The following SMPD4 variants were observed in gnomAD, a reference collection of about 807,000 sequenced individuals.
SMPD4 encodes neutral sphingomyelinase 3.
SMPD4 carries 58 observed loss-of-function variants against 97.8 expected under a neutral mutation model. The observed-to-expected ratio is 0.59, with a 90% CI of 0.48 to 0.74. SMPD4 has a LOEUF of 0.74. Ranked by LOEUF, SMPD4 falls within the 30% of genes least tolerant of loss-of-function variation. The pLI, the probability that SMPD4 is intolerant of heterozygous loss-of-function variation, is 0.00. For missense variants in SMPD4, 853 were observed against 1,080.5 expected (o/e 0.79, Z 2.95); for synonymous variants, 388 against 450.0 (o/e 0.86, Z 1.74).
At chr2:130,180,826 C>T (rs187921657) in intron 1 of SMPD4, among the ~76,000 whole-genome samples, 103 of 152,218 alleles carry the variant, frequency 6.8e-4, no homozygotes, top group African/African-American at 2.4e-3. Context: ...AATTCAAACC[C>T]GAGAATTCCC....
chr2:130,178,034 G>A (rs1689138866), intron 1 of SMPD4, among the ~76,000 whole-genome samples: 1 of 152,138 alleles, frequency 6.6e-6, no homozygotes, highest in African/African-American at 2.4e-5. Context: ...AGGAAACAAA[G>A]ACCTTAGTTC....
intron 15 of SMPD4, chr2:130,154,865 G>A: frequency 1.5e-6 from 1 of 648,500 alleles, no homozygotes; most frequent in Non-Finnish European, 2.6e-6. Context: ...CCCGCTCTGT[G>A]GGCACACCTG....
At chr2:130,153,587 T>C (rs1308281593) in intron 17 of SMPD4, 115 bp downstream of exon 17, 2 of 1,555,238 alleles carry the variant, frequency 1.3e-6, no homozygotes, top group African/African-American at 1.4e-5. Context: ...CCCACAACAC[T>C]GGGTCCATAT....
chr2:130,163,678 C>G (rs2104850311), intron 10 of SMPD4, among the ~76,000 whole-genome samples: 3 of 152,384 alleles, frequency 2.0e-5, no homozygotes, highest in African/African-American at 7.2e-5. Flanking sequence ...AGATGACTGA[C>G]TGGAGATCTA....
At chr2:130,165,229 T>C (rs1220581402) in intron 9 of SMPD4, among the ~76,000 whole-genome samples, 1 of 150,876 alleles carries the variant, frequency 6.6e-6, no homozygotes, top group African/African-American at 2.4e-5. Flanking sequence ...GAGACCAGCC[T>C]GACCCAACAT....
At chr2:130,161,507 A>G (rs1244948374) in intron 10 of SMPD4, among the ~76,000 whole-genome samples, 2 of 152,158 alleles carry the variant, frequency 1.3e-5, no homozygotes, top group South Asian at 2.1e-4. Flanking sequence ...CCCCTCCACA[A>G]CCAGGCCAGG....
At chr2:130,171,098 A>G (rs1688412883) in intron 8 of SMPD4, among the ~76,000 whole-genome samples, 1 of 150,908 alleles carries the variant, frequency 6.6e-6, no homozygotes, top group African/African-American at 2.5e-5. Flanking sequence ...AATAAAATAA[A>G]TAAATAAACC....
At position 130,152,713 on chromosome 2, in the gene SMPD4, T is replaced by TGCCCAGGAA; in HGVS notation, c.2317_2325dup (p.Phe773_Gly775dup). 6.3e-7 allele frequency: 1 copy of TGCCCAGGAA among 1,581,944 alleles called. No individual in the cohort carries two copies. ...AGCAGCGAGACCAGCGTCCGGTAAC[T>TGCCCAGGAA]GCCCAGGAAGCGCAGGCTGAGCCTG... On this transcript the variant is annotated inframe_insertion, in exon 20 of 20. Transcript: ENST00000680298.
intron 11 of SMPD4, 62 bp from the exon 12 acceptor site, chr2:130,157,458 C>G: frequency 2.5e-6 from 4 of 1,599,370 alleles, no homozygotes; most frequent in Non-Finnish European, 8.5e-7. Flanking sequence ...CACTCCGCCT[C>G]CAGGTCTGAC....
In SMPD4 at chr2:130,153,181, C is replaced by T. The variant is rs1686401196; in HGVS notation, c.2026-10G>A. On this transcript the variant is annotated splice_polypyrimidine_tract_variant and intron_variant, in intron 18 of 19. Coordinates refer to ENST00000680298, the MANE Select transcript of SMPD4 (RefSeq NM_017951.5). The stretch of plus-strand genomic sequence containing the variant: ...GCAGCCCATTGATGATCTAGAAAGC[C>T]AGGCCATGGGGATGGGTCAGAAAAC... The T allele has an allele frequency of 6.2e-7, 1 of 1,613,726 alleles. No homozygotes were observed. Among genetic ancestry groups the T allele is most frequent in the Non-Finnish European group, 8.5e-7 (1 of 1,179,974 alleles).
At chr2:130,180,958 C>G (rs1462776565) in intron 1 of SMPD4, among the ~76,000 whole-genome samples, 1 of 152,232 alleles carries the variant, frequency 6.6e-6, no homozygotes, top group Non-Finnish European at 1.5e-5. Context: ...CCTATTTTCT[C>G]CAGGAGCTGC....
At position 130,152,337 on chromosome 2, in the gene SMPD4, T is replaced by C. The variant is rs1686313985; in HGVS notation, c.*218A>G. The C allele has an allele frequency of 1.7e-6, 1 of 592,368 alleles. No homozygotes were observed. Among genetic ancestry groups the C allele is most frequent in the Non-Finnish European group, 3.0e-6 (1 of 336,130 alleles). The allele number at this position is 592,368 out of a possible 1,614,324, so 36.7% of individuals were successfully genotyped here. A position where few individuals can be genotyped will look rare whatever the true frequency, so the allele number is the denominator to read the frequency against. ...CTGAGCTCTGCGCTGTCACAGAGCG[T>C]AGCTGTTGAGCCCTGGCAGCTACTC... On this transcript the variant is annotated 3_prime_UTR_variant, in exon 20 of 20. Coordinates refer to ENST00000680298, the MANE Select transcript of SMPD4 (RefSeq NM_017951.5).
chr2:130,180,559 C>T (rs1030869993), intron 1 of SMPD4, among the ~76,000 whole-genome samples: 2 of 152,262 alleles, frequency 1.3e-5, no homozygotes, highest in Non-Finnish European at 2.9e-5. Context: ...GCGTGAGTCA[C>T]CGCTCCCGGC....
intron 8 of SMPD4, among the ~76,000 whole-genome samples, chr2:130,169,924 T>G (rs1006028218): frequency 7.9e-5 from 12 of 151,862 alleles, no homozygotes; most frequent in Admixed American, 4.6e-4. Context: ...AAGTTAGGTG[T>G]GGTGACTTGC....
At chr2:130,179,755 A>G (rs1464291957) in intron 1 of SMPD4, among the ~76,000 whole-genome samples, 2 of 150,922 alleles carry the variant, frequency 1.3e-5, no homozygotes. Flanking sequence ...CCCTGGTTCA[A>G]GCAATTCTCC....
intron 10 of SMPD4, among the ~76,000 whole-genome samples, chr2:130,162,786 C>T: frequency 6.6e-6 from 1 of 152,236 alleles, no homozygotes; most frequent in East Asian, 1.9e-4. Flanking sequence ...TCTCTGACTC[C>T]CACCCACCAA....
intron 6 of SMPD4, 37 bp from the exon 7 acceptor site, chr2:130,172,714 T>C: frequency 6.2e-7 from 1 of 1,614,192 alleles, no homozygotes; most frequent in Non-Finnish European, 8.5e-7. Flanking sequence ...GCAGGGTTGA[T>C]GAGCCACCCC....
At chr2:130,164,319 C>T (rs1367111963) in intron 10 of SMPD4, 55 bp downstream of exon 10, 6 of 1,469,158 alleles carry the variant, frequency 4.1e-6, no homozygotes, top group Admixed American at 1.7e-5. Context: ...GGATAAGAAG[C>T]AGCAGGCTGA....
chr2:130,159,932 T>A (rs935714741), intron 11 of SMPD4, among the ~76,000 whole-genome samples: 7 of 152,148 alleles, frequency 4.6e-5, no homozygotes, highest in Non-Finnish European at 8.8e-5. Flanking sequence ...GGGCCCACTG[T>A]CCGCCCCTGC....
Sources: gnomAD v4.1 joint callset for allele counts (sites outside exome capture counted in the v4.1 genomes callset) on GRCh38, gnomAD v4.1.1 for gene constraint, MANE v1.5 for transcripts, NCBI Gene and HGNC (gene_info 2026-07-23, HGNC 2026-07-21) for gene names.